Variants in NSMCE2 observed in about 807,000 individuals in gnomAD.
NSMCE2 encodes NSE2 SUMO ligase component of SMC5/6 complex.
NSMCE2 carries 24 observed loss-of-function variants against 23.8 expected under a neutral mutation model. The ratio of observed to expected loss-of-function variants is 1.01; its 90% CI spans 0.73 to 1.42. The LOEUF (loss-of-function observed/expected upper bound fraction) is 1.42. Ranked by LOEUF, NSMCE2 falls within the 40% of genes most tolerant of loss-of-function variation. The pLI, the probability that NSMCE2 is intolerant of heterozygous loss-of-function variation, is 0.00. For missense variants in NSMCE2, 284 were observed against 296.5 expected (o/e 0.96, Z 0.31); for synonymous variants, 92 against 94.1 (o/e 0.98, Z 0.13).
rs766356331 is a variant in NSMCE2 at position 125,094,968 on chromosome 8, TCTC to T, written c.-111+3016_-111+3018del. Among the ~76,000 whole-genome samples the T allele has an allele frequency of 1.4e-4, 21 of 152,156 alleles. 1 individual carries two copies. The highest frequency in any genetic ancestry group is 2.5e-4 in the Non-Finnish European group (17 of 68,036). ...TCCCGGCTCAAGCGATCCTACCACA[TCTC>T]CTCCTGAGGAGCTGGGGCTGCAGGC... On this transcript the variant is annotated intron_variant, in intron 1 of 7. Coordinates refer to ENST00000287437, the MANE Select transcript of NSMCE2 (RefSeq NM_173685.4).
intron 5 of NSMCE2, among the ~76,000 whole-genome samples, chr8:125,273,511 T>C (rs1465177316): frequency 6.6e-6 from 1 of 152,202 alleles, no homozygotes; most frequent in Non-Finnish European, 1.5e-5. Flanking sequence ...CAAAATTAGC[T>C]TTTGTTTGAA....
At chr8:125,266,547 G>C (rs1347799659) in intron 5 of NSMCE2, among the ~76,000 whole-genome samples, 1 of 152,124 alleles carries the variant, frequency 6.6e-6, no homozygotes, top group African/African-American at 2.4e-5. Flanking sequence ...TTTTCTGTTA[G>C]GATTTTGTTT....
intron 5 of NSMCE2, among the ~76,000 whole-genome samples, chr8:125,229,643 T>A (rs1825240363): frequency 6.6e-6 from 1 of 152,206 alleles, no homozygotes; most frequent in Non-Finnish European, 1.5e-5. Context: ...ATGTTCTAGA[T>A]GAAATTCAGT....
At chr8:125,194,125 A>G (rs1289090260) in intron 5 of NSMCE2, among the ~76,000 whole-genome samples, 3 of 152,156 alleles carry the variant, frequency 2.0e-5, no homozygotes, top group Non-Finnish European at 4.4e-5. Flanking sequence ...TTTCACAACA[A>G]CTTAGTGTGG....
At chr8:125,253,602 A>G (rs1171553723) in intron 5 of NSMCE2, among the ~76,000 whole-genome samples, 3 of 152,226 alleles carry the variant, frequency 2.0e-5, no homozygotes, top group Non-Finnish European at 4.4e-5. Flanking sequence ...CTGCATAAAC[A>G]TTAGTTTGAG....
chr8:125,166,635 C>T (rs910436106), intron 4 of NSMCE2, among the ~76,000 whole-genome samples: 7 of 152,168 alleles, frequency 4.6e-5, no homozygotes, highest in African/African-American at 1.4e-4. Flanking sequence ...ATTTTCCTGT[C>T]TTTCTGGTGA....
At chr8:125,245,356 A>G (rs1357935010) in intron 5 of NSMCE2, among the ~76,000 whole-genome samples, 1 of 152,224 alleles carries the variant, frequency 6.6e-6, no homozygotes, top group African/African-American at 2.4e-5. Context: ...TGACAAATAC[A>G]CATTTACATC....
At chr8:125,177,226 A>G (rs79125348) in intron 4 of NSMCE2, among the ~76,000 whole-genome samples, 2,945 of 152,280 alleles carry the variant, frequency 0.019, 84 homozygotes, top group African/African-American at 0.068. Flanking sequence ...AAGTCTTCAC[A>G]GCACTGAAGT....
chr8:125,267,920 A>T (rs1827006282), intron 5 of NSMCE2, among the ~76,000 whole-genome samples: 1 of 152,128 alleles, frequency 6.6e-6, no homozygotes, highest in South Asian at 2.1e-4. Flanking sequence ...GAGAGTACTT[A>T]TCCATGCGTA....
At chr8:125,149,110 C>T (rs78392402) in intron 3 of NSMCE2, among the ~76,000 whole-genome samples, 3,284 of 152,166 alleles carry the variant, frequency 0.022, 127 homozygotes, top group African/African-American at 0.075. Context: ...CCTTTTCTCA[C>T]GCACCATTTT....
intron 3 of NSMCE2, among the ~76,000 whole-genome samples, chr8:125,116,125 C>G (rs1818995781): frequency 6.6e-6 from 1 of 152,186 alleles, no homozygotes; most frequent in Admixed American, 6.5e-5. Context: ...GGCAGTAATC[C>G]TTAACAGCTG....
At chr8:125,162,972 C>G (rs536915276) in intron 4 of NSMCE2, among the ~76,000 whole-genome samples, 39 of 152,286 alleles carry the variant, frequency 2.6e-4, no homozygotes, top group African/African-American at 9.1e-4. Flanking sequence ...CAACAAGTGA[C>G]TGGTGTAGAC....
At chr8:125,203,367 A>T (rs184933953) in intron 5 of NSMCE2, among the ~76,000 whole-genome samples, 29 of 152,318 alleles carry the variant, frequency 1.9e-4, no homozygotes, top group African/African-American at 6.5e-4. Flanking sequence ...GAGGAAGGGA[A>T]GGAGGCAGAA....
intron 7 of NSMCE2, among the ~76,000 whole-genome samples, 154 bp downstream of exon 7, chr8:125,357,972 A>G (rs1444549549): frequency 1.3e-5 from 2 of 152,176 alleles, no homozygotes; most frequent in Admixed American, 1.3e-4. Flanking sequence ...TTCTGGAAAA[A>G]CAATACATGA....
intron 4 of NSMCE2, among the ~76,000 whole-genome samples, chr8:125,167,726 GA>G (rs1375855478): frequency 6.6e-6 from 1 of 151,598 alleles, no homozygotes; most frequent in East Asian, 1.9e-4. Context: ...GACTTGGGGG[GA>G]AAAATCAGTG....
chr8:125,320,936 G>A (rs899434896), intron 5 of NSMCE2, among the ~76,000 whole-genome samples: 21 of 152,300 alleles, frequency 1.4e-4, no homozygotes, highest in Admixed American at 1.3e-3. Context: ...TGTAAATCAT[G>A]GCAGAAGGCA....
chr8:125,324,569 A>AT (rs1292496751), intron 5 of NSMCE2, among the ~76,000 whole-genome samples: 6 of 94,190 alleles, frequency 6.4e-5, no homozygotes, highest in Non-Finnish European at 1.4e-4. Flanking sequence ...TTTTGATAAA[A>AT]TTCTTTTTTT....
intron 5 of NSMCE2, among the ~76,000 whole-genome samples, chr8:125,197,983 GTC>G (rs1194825710): frequency 8.6e-5 from 13 of 151,346 alleles, no homozygotes; most frequent in Admixed American, 8.6e-4. Flanking sequence ...CATGATTTGG[GTC>G]TCTGTCTGTT....
chr8:125,327,872 AT>A (rs1259377085), intron 5 of NSMCE2, among the ~76,000 whole-genome samples: 26 of 152,188 alleles, frequency 1.7e-4, no homozygotes, highest in Admixed American at 1.7e-3. Context: ...GATTCTTGAC[AT>A]CTCTAAATGG....
Sources: allele counts gnomAD v4.1 joint callset (sites outside exome capture counted in the v4.1 genomes callset), GRCh38; gene constraint gnomAD v4.1.1; transcripts MANE v1.5; gene names NCBI Gene and HGNC (gene_info 2026-07-23, HGNC 2026-07-21).